The following VDR variants were observed in gnomAD, a reference collection of about 807,000 sequenced individuals.
VDR encodes vitamin D3 receptor.
In VDR, 19 loss-of-function variants were observed where a neutral mutation model predicts 39.7. The ratio of observed to expected loss-of-function variants is 0.48; its 90% CI spans 0.33 to 0.70. The LOEUF is 0.70. VDR is among the 30% of genes least tolerant of loss of function. VDR has a pLI of 0.02. For synonymous variants in VDR, 242 were observed against 215.8 expected, an observed-to-expected ratio of 1.12 and a Z score of -1.07; for missense variants, 442 against 570.5, an observed-to-expected ratio of 0.77 and a Z score of 2.29.
chr12:47,890,844 A>T (rs187034971), intron 1 of VDR, among the ~76,000 whole-genome samples: 2 of 152,170 alleles, frequency 1.3e-5, no homozygotes, highest in East Asian at 3.9e-4. Context: ...ACAACTCAAG[A>T]TGTCTACAGA....
At chr12:47,889,877 A>C (rs868328844) in intron 1 of VDR, among the ~76,000 whole-genome samples, 3 of 152,218 alleles carry the variant, frequency 2.0e-5, no homozygotes, top group South Asian at 4.1e-4. Context: ...GCCACTCCCA[A>C]GCCCAGCTTC....
intron 4 of VDR, among the ~76,000 whole-genome samples, chr12:47,862,979 G>A (rs369756017): frequency 3.9e-5 from 6 of 152,348 alleles, no homozygotes; most frequent in East Asian, 1.9e-4. Context: ...GTGGTGTGGC[G>A]AGAAGCTACC....
Position 47,844,706 on chromosome 12 carries a change from A to C in VDR, c.*40T>G, listed in dbSNP as rs1409923126. On this transcript the variant is annotated 3_prime_UTR_variant, in exon 10 of 10. Coordinates refer to ENST00000549336, the MANE Select transcript of VDR (RefSeq NM_000376.3). ...CCCCGGGCCTGGCACGTGGCCCTGG[A>C]GGAGCAGCCCCACCCAGGCACCGCC... 6.2e-7 allele frequency: 1 copy of C among 1,612,638 alleles called. No homozygotes were observed. Among genetic ancestry groups the C allele is most frequent in the African/African-American group, 1.3e-5 (1 of 74,908 alleles).
chr12:47,855,464 G>T (rs1419647270), intron 7 of VDR, among the ~76,000 whole-genome samples, 166 bp downstream of exon 7: 1 of 152,210 alleles, frequency 6.6e-6, no homozygotes, highest in Non-Finnish European at 1.5e-5. Flanking sequence ...AGGTTGCAGT[G>T]AGCCGAGATC....
chr12:47,896,072 C>G (rs1946460361), intron 1 of VDR, among the ~76,000 whole-genome samples: 1 of 152,238 alleles, frequency 6.6e-6, no homozygotes, highest in Non-Finnish European at 1.5e-5. Context: ...CAACAAGAAC[C>G]AATGAAATGC....
intron 3 of VDR, among the ~76,000 whole-genome samples, chr12:47,874,401 C>G (rs1945957254): frequency 6.6e-6 from 1 of 152,212 alleles, no homozygotes; most frequent in Non-Finnish European, 1.5e-5. Flanking sequence ...CCCTATTTCT[C>G]TGCTTCCTTT....
chr12:47,871,637 G>A lies in VDR; in HGVS notation c.147-6460C>T, dbSNP rs531432425. On this transcript the variant is annotated intron_variant, in intron 3 of 9. Coordinates refer to ENST00000549336, the MANE Select transcript of VDR (RefSeq NM_000376.3). The stretch of plus-strand genomic sequence containing the variant: ...TGCCACCACGCCTGGCCAATTTTTT[G>A]TATTTTCAATAGAGATGGGGTTTCA... Among the ~76,000 whole-genome samples, 9 of 151,876 alleles carry A rather than the reference G, an allele frequency of 5.9e-5. 1 individual carries two copies. The highest frequency in any genetic ancestry group is 2.2e-4 in the African/African-American group (9 of 41,442).
At chr12:47,888,039 T>C (rs1946291325) in intron 1 of VDR, among the ~76,000 whole-genome samples, 1 of 152,054 alleles carries the variant, frequency 6.6e-6, no homozygotes, top group Admixed American at 6.5e-5. Context: ...GAGAAAGAGG[T>C]TTAACTGGAA....
chr12:47,902,167 G>A (rs1946575040), intron 1 of VDR, among the ~76,000 whole-genome samples: 2 of 152,182 alleles, frequency 1.3e-5, no homozygotes, highest in South Asian at 4.1e-4. Flanking sequence ...TATGTCCATT[G>A]TCCTGGTATA....
chr12:47,885,724 G>T (rs1273077375), intron 1 of VDR, among the ~76,000 whole-genome samples: 1 of 152,142 alleles, frequency 6.6e-6, no homozygotes, highest in Non-Finnish European at 1.5e-5. Flanking sequence ...AAGAGACAAG[G>T]TCTCCTCTGT....
At chr12:47,852,871 C>T (rs969434706) in intron 7 of VDR, among the ~76,000 whole-genome samples, 3 of 152,118 alleles carry the variant, frequency 2.0e-5, no homozygotes, top group African/African-American at 4.8e-5. Flanking sequence ...CATCCAGAGC[C>T]GGCAATGTTA....
At chr12:47,856,675 A>T (rs990309853) in intron 6 of VDR, among the ~76,000 whole-genome samples, 6 of 151,692 alleles carry the variant, frequency 4.0e-5, no homozygotes, top group Non-Finnish European at 7.4e-5. Flanking sequence ...CCAGACTCTC[A>T]GCTGAGCTGG....
At chr12:47,856,022 G>C (rs964387083) in intron 6 of VDR, among the ~76,000 whole-genome samples, 9 of 152,180 alleles carry the variant, frequency 5.9e-5, no homozygotes, top group Non-Finnish European at 1.2e-4. Flanking sequence ...GAGACACTCA[G>C]AGCAATGAGA....
At position 47,901,086 on chromosome 12, in the gene VDR, G is replaced by T. The variant is rs138862598; in HGVS notation, c.-84+3869C>A. On this transcript the variant is annotated intron_variant, in intron 1 of 9. Transcript: ENST00000549336. The stretch of plus-strand genomic sequence containing the variant: ...CTCCCAGCCAGCCTTGGGGTGGGGC[G>T]GTCTCACCACCTACCCCCCTTGCCC... 1,161 of 154,996 alleles carry T rather than the reference G, an allele frequency of 7.5e-3. 7 individuals are homozygous for T. The highest frequency in any genetic ancestry group is 0.013 in the Non-Finnish European group (888 of 68,246). The allele number at this position is 154,996 out of a possible 1,614,324, so 9.6% of individuals were successfully genotyped here. A position where few individuals can be genotyped will look rare whatever the true frequency, so the allele number is the denominator to read the frequency against.
intron 1 of VDR, chr12:47,904,598 C>T (rs1195967947): frequency 6.5e-7 from 1 of 1,535,994 alleles, no homozygotes; most frequent in Non-Finnish European, 8.7e-7. Flanking sequence ...CCATCGACAG[C>T]CAATCGCTCC....
intron 1 of VDR, among the ~76,000 whole-genome samples, chr12:47,901,764 A>T (rs1946564621): frequency 6.6e-6 from 1 of 152,182 alleles, no homozygotes; most frequent in Non-Finnish European, 1.5e-5. Flanking sequence ...TCTTGGCTCC[A>T]CTATGAACCC....
intron 1 of VDR, among the ~76,000 whole-genome samples, chr12:47,902,399 G>C (rs926914146): frequency 2.0e-5 from 3 of 152,210 alleles, no homozygotes; most frequent in African/African-American, 7.2e-5. Flanking sequence ...ATAGTGGAGG[G>C]AGAGCCTGAG....
chr12:47,855,547 G>T, intron 7 of VDR, 83 bp downstream of exon 7: 4 of 1,502,890 alleles, frequency 2.7e-6, no homozygotes, highest in South Asian at 2.3e-5. Context: ...AAAAAGAAGT[G>T]GTGGATGAGT....
Position 47,855,790 on chromosome 12 carries a change from A to G in VDR, c.595T>C (p.Ser199Pro). ...AGATCCAGATTGGAGAAGCTGGACG[A>G]GTCCATCATGTCTGGGAGAGATGAG... is the stretch of plus-strand genomic sequence containing the variant. Reference protein sequence around the residue: ...HCITSSDMMDSSSFSNLDLSE... With the variant: ...HCITSSDMMDPSSFSNLDLSE... The change falls in exon 7 of 10, where the codon TCG (serine) becomes CCG (proline). Residue 199 changes from serine to proline, a missense_variant. By Grantham distance (74) the Ser-to-Pro change is moderately conservative. Around this residue, in one of 5 missense-constraint regions of VDR, gnomAD observed 77 missense variants for 67.4 expected, o/e 1.14. Coordinates refer to ENST00000549336, the MANE Select transcript of VDR (RefSeq NM_000376.3). 1 of 1,613,980 alleles carries G rather than the reference A, an allele frequency of 6.2e-7. No homozygotes were observed. Among genetic ancestry groups the G allele is most frequent in the Non-Finnish European group, 8.5e-7 (1 of 1,179,968 alleles).
Sources: allele counts gnomAD v4.1 joint callset (sites outside exome capture counted in the v4.1 genomes callset), GRCh38; gene constraint gnomAD v4.1.1; regional missense constraint gnomAD v4.1.1; transcripts MANE v1.5; gene names NCBI Gene and HGNC (gene_info 2026-07-23, HGNC 2026-07-21).